FAM47E: variants seen among roughly 807,000 people sequenced by gnomAD.
FAM47E encodes the protein family with sequence similarity 47 member E, also known as protein FAM47E.
FAM47E carries 32 observed loss-of-function variants against 41.6 expected under a neutral mutation model. That is an observed-to-expected ratio of 0.77 (90% CI 0.58 to 1.03). The LOEUF is 1.03. Ranked by LOEUF, FAM47E falls within the 50% of genes least tolerant of loss-of-function variation. The probability of loss-of-function intolerance (pLI) is 0.00; values close to 1 mark genes in which losing one functional copy is unlikely to be tolerated. For missense variants in FAM47E, 424 were observed against 485.4 expected (o/e 0.87, Z 1.19); for synonymous variants, 184 against 188.7 (o/e 0.98, Z 0.20).
intron 4 of FAM47E, chr4:76,269,077 C>CT: frequency 3.3e-6 from 1 of 302,348 alleles, no homozygotes; most frequent in Non-Finnish European, 6.0e-6. Context: ...ATTGTTAGGA[C>CT]TTTCTTTTCT....
chr4:76,235,624 A>G (rs974514600), intron 2 of FAM47E, among the ~76,000 whole-genome samples: 33 of 152,328 alleles, frequency 2.2e-4, no homozygotes, highest in East Asian at 1.9e-4. Context: ...ATTCCCAGTT[A>G]AGGGCTCAAG....
At chr4:76,224,797 G>A (rs1199258141) in intron 2 of FAM47E, among the ~76,000 whole-genome samples, 2 of 151,784 alleles carry the variant, frequency 1.3e-5, no homozygotes, top group Non-Finnish European at 2.9e-5. Context: ...GTGGTGTTTG[G>A]TTGCATGGAA....
At chr4:76,227,011 T>TG (rs1316264697) in intron 2 of FAM47E, among the ~76,000 whole-genome samples, 1 of 151,994 alleles carries the variant, frequency 6.6e-6, no homozygotes, top group Non-Finnish European at 1.5e-5. Flanking sequence ...TTTGTTTGTT[T>TG]GTTTCAATTT....
chr4:76,226,130 CAAGTT>C (rs1200653444), intron 2 of FAM47E, among the ~76,000 whole-genome samples: 5 of 152,048 alleles, frequency 3.3e-5, no homozygotes, highest in Non-Finnish European at 7.3e-5. Flanking sequence ...TGAGACAAGA[CAAGTT>C]AAGAGTACAT....
chr4:76,251,837 C>T lies in FAM47E; in HGVS notation c.74+17C>T. ...CAGGTCCAGGTAAACACTCAGCGCC[C>T]GGGCCGAGGGCGCATCCCACGCGGG... On this transcript the variant is annotated intron_variant, in intron 1 of 7. Transcript: ENST00000424749. 1 of 1,427,570 alleles carries T rather than the reference C, an allele frequency of 7.0e-7. No individual in the cohort carries two copies. The highest frequency in any genetic ancestry group is 2.4e-4 in the Middle Eastern group (1 of 4,218). 88.4% of individuals were successfully genotyped at this position (1,427,570 alleles called of 1,614,324 possible). A position where few individuals can be genotyped will look rare whatever the true frequency, so the allele number is the denominator to read the frequency against.
rs192789157 is a variant in FAM47E, at chr4:76,270,629, G to A, written c.670-939G>A. On this transcript the variant is annotated intron_variant, in intron 4 of 7. Coordinates refer to ENST00000424749, the MANE Select transcript of FAM47E (RefSeq NM_001136570.3). ...TTCTCCCATTCCTGCTGCTGGAGGC[G>A]ATTCGTCTCTCAAGGCAGGAAACTG... 1.0e-3 allele frequency among the ~76,000 whole-genome samples: 153 copies of A among 152,186 alleles called. 1 individual carries two copies. Among genetic ancestry groups the A allele is most frequent in the African/African-American group, 3.4e-3 (140 of 41,516 alleles).
chr4:76,239,319 T>C (rs978001211), intron 2 of FAM47E, among the ~76,000 whole-genome samples: 2 of 152,168 alleles, frequency 1.3e-5, no homozygotes, highest in African/African-American at 2.4e-5. Flanking sequence ...CATTTTACAC[T>C]GGTGGTGCCC....
intron 2 of FAM47E, among the ~76,000 whole-genome samples, chr4:76,234,105 A>C (rs919662764): frequency 6.6e-6 from 1 of 151,798 alleles, no homozygotes; most frequent in Non-Finnish European, 1.5e-5. Flanking sequence ...ACCTTGGGCC[A>C]TGTGTCTCAG....
At chr4:76,254,580 G>A (rs955295075) in intron 1 of FAM47E, among the ~76,000 whole-genome samples, 2 of 152,112 alleles carry the variant, frequency 1.3e-5, no homozygotes, top group Non-Finnish European at 2.9e-5. Context: ...ACACATCTAT[G>A]CAACAAGTAA....
chr4:76,224,925 C>T (rs1048584679), intron 2 of FAM47E, among the ~76,000 whole-genome samples: 16 of 151,940 alleles, frequency 1.1e-4, no homozygotes, highest in African/African-American at 3.1e-4. Flanking sequence ...CCCCAAGTCC[C>T]CAGAGTCCAT....
chr4:76,215,391 T>G (rs1245512656), intron 1 of FAM47E, among the ~76,000 whole-genome samples: 1 of 152,208 alleles, frequency 6.6e-6, no homozygotes, highest in Non-Finnish European at 1.5e-5. Flanking sequence ...CTTTTTCTAC[T>G]CTGCGCATTG....
chr4:76,225,731 T>C (rs1209234962), intron 2 of FAM47E, among the ~76,000 whole-genome samples: 6 of 152,248 alleles, frequency 3.9e-5, no homozygotes, highest in Non-Finnish European at 8.8e-5. Flanking sequence ...ATCCCTGGTA[T>C]GAAACTCACT....
At chr4:76,237,101 T>G (rs111657254) in intron 2 of FAM47E, among the ~76,000 whole-genome samples, 1,953 of 151,998 alleles carry the variant, frequency 0.013, 42 homozygotes, top group African/African-American at 0.044. Context: ...TTCACCGTGT[T>G]AGGCAGGATG....
chr4:76,248,203 C>T (rs770453912), upstream of FAM47E, among the ~76,000 whole-genome samples: 15 of 151,936 alleles, frequency 9.9e-5, no homozygotes, highest in Non-Finnish European at 1.6e-4. Context: ...TGTGAGCCAC[C>T]GCGCCTGGCC....
chr4:76,255,206 G>T (rs974001788), intron 1 of FAM47E, among the ~76,000 whole-genome samples: 6 of 152,078 alleles, frequency 3.9e-5, no homozygotes, highest in Non-Finnish European at 8.8e-5. Flanking sequence ...CTGCCTACCT[G>T]GGTTAAACTC....
chr4:76,221,781 G>A (rs890670208), intron 2 of FAM47E, among the ~76,000 whole-genome samples: 5 of 152,212 alleles, frequency 3.3e-5, no homozygotes, highest in Non-Finnish European at 7.3e-5. Context: ...GAGGAGTATA[G>A]GTTGAAAACC....
intron 1 of FAM47E, chr4:76,217,514 T>C (rs1231672413): frequency 7.2e-6 from 3 of 416,846 alleles, no homozygotes; most frequent in Non-Finnish European, 1.3e-5. Flanking sequence ...ACCTCCTCCT[T>C]CTCTCTCTAG....
intron 2 of FAM47E, among the ~76,000 whole-genome samples, chr4:76,241,506 T>C (rs908344699): frequency 6.6e-6 from 1 of 152,092 alleles, no homozygotes. Context: ...TGCAAACTGG[T>C]CCAGGAACAC....
In FAM47E at chr4:76,256,256, G is replaced by A. The variant is rs1045900796; in HGVS notation, c.153G>A (p.Gly51=). ...HSRQLVFPRK[G]LDDFRKGCPP... The stretch of plus-strand genomic sequence containing the variant: ...GGCAGTTGGTATTTCCAAGAAAGGG[G>A]CTGGACGACTTCAGGAAGGGCTGCC... Residue 51 remains glycine, a synonymous_variant, in exon 2 of 8, where the codon GGG becomes GGA. Coordinates refer to ENST00000424749, the MANE Select transcript of FAM47E (RefSeq NM_001136570.3). The A allele has an allele frequency of 1.2e-5, 19 of 1,551,706 alleles. No homozygotes were observed. Among genetic ancestry groups the A allele is most frequent in the Non-Finnish European group, 1.3e-5 (15 of 1,147,000 alleles).
Sources: allele counts gnomAD v4.1 joint callset (sites outside exome capture counted in the v4.1 genomes callset), GRCh38; gene constraint gnomAD v4.1.1; transcripts MANE v1.5; gene names NCBI Gene and HGNC (gene_info 2026-07-23, HGNC 2026-07-21).